Variants in CCDC181 observed in about 807,000 individuals in gnomAD.
The protein encoded by CCDC181 is coiled-coil domain-containing protein 181.
A neutral mutation model predicts 58.7 loss-of-function variants in CCDC181; 35 were observed. The ratio of observed to expected loss-of-function variants is 0.60; its 90% CI spans 0.46 to 0.79. The LOEUF (loss-of-function observed/expected upper bound fraction) is 0.79. CCDC181 is among the 30% of genes least tolerant of loss of function. CCDC181 has a pLI of 0.00. For missense variants in CCDC181, 517 were observed against 583.9 expected (o/e 0.89, Z 1.18); for synonymous variants, 183 against 197.5 (o/e 0.93, Z 0.62).
chr1:169,415,865 C>T (rs1345824903), intron 4 of CCDC181, among the ~76,000 whole-genome samples: 2 of 152,164 alleles, frequency 1.3e-5, no homozygotes, highest in Non-Finnish European at 2.9e-5. Flanking sequence ...TGGCCATATC[C>T]TCATCACACA....
chr1:169,395,621 G>A (rs1265032574), intron 5 of CCDC181, among the ~76,000 whole-genome samples: 6 of 152,110 alleles, frequency 3.9e-5, no homozygotes, highest in Admixed American at 1.3e-4. Flanking sequence ...CAGAAATGCT[G>A]CCTTACTCTT....
chr1:169,431,362 G>A (rs1270094082), upstream of CCDC181, among the ~76,000 whole-genome samples: 1 of 119,240 alleles, frequency 8.4e-6, no homozygotes, highest in African/African-American at 2.9e-5. Context: ...ATGATTGGTA[G>A]CCAAAAGTGG....
At chr1:169,412,384 C>T (rs1656015646) in intron 4 of CCDC181, among the ~76,000 whole-genome samples, 1 of 152,136 alleles carries the variant, frequency 6.6e-6, no homozygotes, top group African/African-American at 2.4e-5. Flanking sequence ...ATGACACAAA[C>T]AAATGGAAAA....
At chr1:169,403,941 A>G (rs1286829328) in intron 4 of CCDC181, among the ~76,000 whole-genome samples, 1 of 152,230 alleles carries the variant, frequency 6.6e-6, no homozygotes, top group Non-Finnish European at 1.5e-5. Context: ...GAAAAGAGAG[A>G]AGAATCAAAT....
At chr1:169,437,972 C>T (rs1340876912) in intron 2 of CCDC181, among the ~76,000 whole-genome samples, 2 of 152,124 alleles carry the variant, frequency 1.3e-5, no homozygotes, top group Non-Finnish European at 2.9e-5. Flanking sequence ...CAAGGTTAAG[C>T]TCTTAAGGAT....
At chr1:169,441,562 C>G (rs1185833440) in intron 2 of CCDC181, among the ~76,000 whole-genome samples, 2 of 152,064 alleles carry the variant, frequency 1.3e-5, no homozygotes, top group African/African-American at 2.4e-5. Context: ...TCCTTCTCCC[C>G]TCTAAAGTGG....
In CCDC181 at chr1:169,421,404, G is replaced by A; in HGVS notation, c.1027C>T (p.Gln343Ter). 6.2e-7 allele frequency: 1 copy of A among 1,612,064 alleles called. No homozygotes were observed. ...TCTCTCTTTTCTTCTAGTTGTTTTT[G>A]TAGTTCTTTCTGTCGAGGGGAAAGA... ...YCLSPRQKEL[Q>*]KQLEEKREKL... Residue 343 changes from glutamine to a stop codon, truncating the protein, a stop_gained, in exon 3 of 6, where the codon CAA (glutamine) becomes TAA (stop). Transcript: ENST00000367806. LOFTEE classifies it high-confidence loss of function.
At chr1:169,448,852 T>A (rs567349845) in intron 2 of CCDC181, among the ~76,000 whole-genome samples, 2 of 152,322 alleles carry the variant, frequency 1.3e-5, no homozygotes, top group African/African-American at 4.8e-5. Context: ...GTTCCTTTTT[T>A]AAATTCACTT....
intron 4 of CCDC181, among the ~76,000 whole-genome samples, chr1:169,413,508 C>G (rs1656070041): frequency 6.6e-6 from 1 of 152,080 alleles, no homozygotes. Context: ...CCCAGCAATC[C>G]CATTACTGGA....
intron 4 of CCDC181, among the ~76,000 whole-genome samples, chr1:169,406,314 T>G (rs1655653596): frequency 6.6e-6 from 1 of 152,212 alleles, no homozygotes; most frequent in South Asian, 2.1e-4. Flanking sequence ...CCCAAAGGAT[T>G]ATAAATCATG....
intron 1 of CCDC181, among the ~76,000 whole-genome samples, chr1:169,426,792 T>A (rs1174881339): frequency 6.6e-6 from 1 of 152,196 alleles, no homozygotes; most frequent in Admixed American, 6.5e-5. Flanking sequence ...CTGTGTATCC[T>A]GCCAAGACTG....
chr1:169,439,703 G>A (rs998791941), intron 2 of CCDC181, among the ~76,000 whole-genome samples: 3 of 152,072 alleles, frequency 2.0e-5, no homozygotes, highest in African/African-American at 4.8e-5. Context: ...CTTGGTATCC[G>A]GGTCCTTGTC....
At position 169,422,227 on chromosome 1, in the gene CCDC181, A is replaced by T. The variant is rs775466517; in HGVS notation, c.204T>A (p.Pro68=). The part of the protein sequence containing the change: ...VMEHTKRHSD[P]DKSLQDEVSP... ...AGACCTCATCCTGCAAAGATTTGTC[A>T]GGATCAGAATGCCGTTTGGTGTGCT... Residue 68 remains proline, a synonymous_variant, in exon 3 of 6, where the codon CCT becomes CCA. Coordinates refer to ENST00000367806, the MANE Select transcript of CCDC181 (RefSeq NM_001300969.2). 4.3e-6 allele frequency: 7 copies of T among 1,613,326 alleles called. No homozygotes were observed. In the South Asian group the frequency reaches 7.7e-5, roughly 18 times the overall value.
At chr1:169,406,649 G>T (rs1250360982) in intron 4 of CCDC181, among the ~76,000 whole-genome samples, 1 of 151,988 alleles carries the variant, frequency 6.6e-6, no homozygotes, top group African/African-American at 2.4e-5. Context: ...GCCTGTTGTG[G>T]GGTGGAGAGA....
chr1:169,402,419 A>G (rs933194740), intron 4 of CCDC181, among the ~76,000 whole-genome samples: 21 of 152,222 alleles, frequency 1.4e-4, no homozygotes, highest in Admixed American at 5.9e-4. Flanking sequence ...AGGTTGGGTT[A>G]CCCACAAAGG....
chr1:169,422,443 T>C (rs1571494688), intron 2 of CCDC181, 130 bp from the exon 3 acceptor site: 2 of 627,940 alleles, frequency 3.2e-6, no homozygotes, highest in South Asian at 3.2e-5. Flanking sequence ...TGCTCATAAT[T>C]TGCTCATAAC....
At chr1:169,448,628 A>G (rs1430128297) in intron 2 of CCDC181, among the ~76,000 whole-genome samples, 1 of 152,046 alleles carries the variant, frequency 6.6e-6, no homozygotes, top group Non-Finnish European at 1.5e-5. Context: ...TGAATATGAT[A>G]TGCCCTGGTG....
At chr1:169,419,861 A>T (rs1656381782) in intron 3 of CCDC181, among the ~76,000 whole-genome samples, 1 of 152,210 alleles carries the variant, frequency 6.6e-6, no homozygotes, top group African/African-American at 2.4e-5. Flanking sequence ...CTTAGGTTAG[A>T]AAGACAGAGT....
intron 2 of CCDC181, among the ~76,000 whole-genome samples, chr1:169,423,552 C>A (rs1045625947): frequency 2.1e-4 from 32 of 152,024 alleles, no homozygotes; most frequent in Admixed American, 6.6e-5. Flanking sequence ...TTGTTATAAT[C>A]ATCCGCTGGA....
Sources: allele counts gnomAD v4.1 joint callset (sites outside exome capture counted in the v4.1 genomes callset), GRCh38; gene constraint gnomAD v4.1.1; transcripts MANE v1.5; gene names NCBI Gene and HGNC (gene_info 2026-07-23, HGNC 2026-07-21).